Variants in QTRT2 observed in about 807,000 individuals in gnomAD.
QTRT2 encodes queuine tRNA-ribosyltransferase domain containing 1.
In QTRT2, 32 loss-of-function variants were observed where a neutral mutation model predicts 44.8. The ratio of observed to expected loss-of-function variants is 0.71; its 90% CI spans 0.54 to 0.96. The LOEUF (loss-of-function observed/expected upper bound fraction) is 0.96, where lower values mean the gene tolerates loss of function less well. QTRT2 is among the 40% of genes least tolerant of loss of function. The pLI is 0.00. For synonymous variants in QTRT2, 182 were observed against 187.4 expected (o/e 0.97, Z 0.24); for missense variants, 461 against 503.1 (o/e 0.92, Z 0.80).
intron 2 of QTRT2, among the ~76,000 whole-genome samples, chr3:114,061,603 A>T (rs1050418335): frequency 5.9e-5 from 9 of 152,022 alleles, no homozygotes; most frequent in Non-Finnish European, 1.2e-4. Flanking sequence ...TTAAGACAGG[A>T]TCTCCCTCTG....
chr3:114,059,643 A>C (rs1245895237), intron 2 of QTRT2, among the ~76,000 whole-genome samples: 3 of 152,368 alleles, frequency 2.0e-5, no homozygotes, highest in Non-Finnish European at 4.4e-5. Context: ...TTCCAGCTGA[A>C]GTATAGTACA....
At chr3:114,077,029 T>C in intron 7 of QTRT2, 87 bp downstream of exon 7, 4 of 1,246,080 alleles carry the variant, frequency 3.2e-6, no homozygotes, top group South Asian at 1.3e-5. Context: ...TGTCTGTGCA[T>C]AGGCATGCCT....
In QTRT2 at chr3:114,086,687, T is replaced by A. The variant is rs1442526401; in HGVS notation, c.*783T>A. ...ACGTAATAACTGAAGACCTATCTCT[T>A]GTGAAGATTCATTCTCAATGTGTTC... On this transcript the variant is annotated 3_prime_UTR_variant, in exon 10 of 10. Coordinates refer to ENST00000281273, the MANE Select transcript of QTRT2 (RefSeq NM_024638.4). The A allele has an allele frequency of 4.6e-5, 7 of 152,390 alleles. No homozygotes were observed. The highest frequency in any genetic ancestry group is 1.5e-5 in the Non-Finnish European group (1 of 68,172). The allele number at this position is 152,390 out of a possible 1,614,324, so 9.4% of individuals were successfully genotyped here.
intron 4 of QTRT2, 139 bp downstream of exon 4, chr3:114,066,422 G>T (rs2076954833): frequency 5.1e-6 from 3 of 587,538 alleles, no homozygotes; most frequent in Non-Finnish European, 9.2e-6. Flanking sequence ...TAAGAGCCAG[G>T]CATTGGCAAG....
At position 114,065,401 on chromosome 3, in the gene QTRT2, C is replaced by T; in HGVS notation, c.144C>T (p.His48=). 6.2e-7 allele frequency: 1 copy of T among 1,614,200 alleles called. No homozygotes were observed. The highest frequency in any genetic ancestry group is 8.5e-7 in the Non-Finnish European group (1 of 1,180,026). Reference sequence around the variant, plus strand: ...GCTCCGCCCCACACCTCACCCATCACACGCTGCATAATATCCACGGGGTTC... The same window carrying T: ...GCTCCGCCCCACACCTCACCCATCATACGCTGCATAATATCCACGGGGTTC... ...KTGSAPHLTH[H]TLHNIHGVPA... The change falls in exon 3 of 10, where the codon CAC becomes CAT. Residue 48 remains histidine (H), a synonymous_variant. Coordinates refer to ENST00000281273, the MANE Select transcript of QTRT2 (RefSeq NM_024638.4).
At chr3:114,061,057 A>G (rs891900469) in intron 2 of QTRT2, among the ~76,000 whole-genome samples, 1 of 152,172 alleles carries the variant, frequency 6.6e-6, no homozygotes, top group Non-Finnish European at 1.5e-5. Flanking sequence ...TTTTCCGTTT[A>G]ATATGTTTGG....
In QTRT2 at chr3:114,086,903, T is replaced by C. The variant is rs769403215; in HGVS notation, c.*999T>C. The C allele has an allele frequency of 5.9e-5, 9 of 152,186 alleles. No individual in the cohort carries two copies. The highest frequency in any genetic ancestry group is 1.2e-4 in the Non-Finnish European group (8 of 68,028). The allele number at this position is 152,186 out of a possible 1,614,324, so 9.4% of individuals were successfully genotyped here. A position where few individuals can be genotyped will look rare whatever the true frequency, so the allele number is the denominator to read the frequency against. ...GCTCTAAAATTGGAAGAACAAAAAG[T>C]TTTAGATTAGAGTCATAGCCTTAAT... is the stretch of plus-strand genomic sequence containing the variant. On this transcript the variant is annotated 3_prime_UTR_variant, in exon 10 of 10. Transcript: ENST00000281273.
At chr3:114,058,600 T>C (rs2076841699) in intron 2 of QTRT2, among the ~76,000 whole-genome samples, 2 of 152,218 alleles carry the variant, frequency 1.3e-5, no homozygotes, top group Admixed American at 6.5e-5. Context: ...TGGCATGATT[T>C]TGGCTCACTG....
At chr3:114,070,055 T>C (rs1485308542) in intron 5 of QTRT2, among the ~76,000 whole-genome samples, 1 of 152,214 alleles carries the variant, frequency 6.6e-6, no homozygotes, top group East Asian at 1.9e-4. Flanking sequence ...TGATCGATTA[T>C]GTCCAGGAGG....
chr3:114,061,504 C>G (rs1210779080), intron 2 of QTRT2, among the ~76,000 whole-genome samples: 3 of 152,174 alleles, frequency 2.0e-5, no homozygotes, highest in African/African-American at 7.2e-5. Flanking sequence ...CTTTGAGCCC[C>G]TGTGTAATTC....
chr3:114,082,168 G>T (rs1182867967), intron 8 of QTRT2, among the ~76,000 whole-genome samples: 1 of 149,882 alleles, frequency 6.7e-6, no homozygotes, highest in African/African-American at 2.5e-5. Flanking sequence ...AAGTATATTT[G>T]CATGTACATT....
intron 4 of QTRT2, 98 bp from the exon 5 acceptor site, chr3:114,067,888 CT>C (rs2076974347): frequency 2.1e-6 from 2 of 968,892 alleles, no homozygotes; most frequent in South Asian, 2.7e-5. Context: ...TTTAGAGTTG[CT>C]TTATTCAGCA....
chr3:114,076,630 C>T, intron 6 of QTRT2, 113 bp from the exon 7 acceptor site: 2 of 939,854 alleles, frequency 2.1e-6, no homozygotes, highest in East Asian at 2.5e-5. Context: ...AATGCTTCAA[C>T]TACAGCAGCT....
chr3:114,071,745 G>A (rs933733465), intron 6 of QTRT2, among the ~76,000 whole-genome samples: 3 of 151,928 alleles, frequency 2.0e-5, no homozygotes, highest in East Asian at 1.9e-4. Context: ...CATCTCTTAC[G>A]TATGTAATTA....
intron 6 of QTRT2, among the ~76,000 whole-genome samples, chr3:114,071,892 T>G (rs1302187964): frequency 6.6e-6 from 1 of 152,178 alleles, no homozygotes; most frequent in Admixed American, 6.5e-5. Flanking sequence ...GACTCTCCAC[T>G]TCAACTCTTA....
chr3:114,060,286 T>C (rs947212872), intron 2 of QTRT2, among the ~76,000 whole-genome samples: 1 of 152,202 alleles, frequency 6.6e-6, no homozygotes, highest in Admixed American at 6.5e-5. Flanking sequence ...GAGAGAAAGG[T>C]AAGTCTTGGA....
At chr3:114,060,496 GTAGATAGATAGATAGATAGA>G (rs71146305) in intron 2 of QTRT2, among the ~76,000 whole-genome samples, 30,128 of 144,428 alleles carry the variant, frequency 0.21, 3,376 homozygotes, top group Middle Eastern at 0.34. Flanking sequence ...AGGTAGGTAG[GTAGATAGATAGATAGATAGA>G]TAGATAGATA....
chr3:114,062,670 T>C (rs919242288), intron 2 of QTRT2, among the ~76,000 whole-genome samples: 1 of 152,220 alleles, frequency 6.6e-6, no homozygotes, highest in Admixed American at 6.5e-5. Flanking sequence ...TAACACAACA[T>C]GGAAAAGCAG....
chr3:114,083,521 T>C (rs910567479), intron 9 of QTRT2, among the ~76,000 whole-genome samples: 1 of 152,222 alleles, frequency 6.6e-6, no homozygotes, highest in African/African-American at 2.4e-5. Context: ...CTATATCTTG[T>C]AATTTTTGTA....
Sources: allele counts gnomAD v4.1 joint callset (sites outside exome capture counted in the v4.1 genomes callset), GRCh38; gene constraint gnomAD v4.1.1; transcripts MANE v1.5; gene names NCBI Gene and HGNC (gene_info 2026-07-23, HGNC 2026-07-21).